Variants in KHDRBS2 observed in about 807,000 individuals in gnomAD.
KHDRBS2 encodes the protein KH RNA binding domain containing, signal transduction associated 2, also known as KH domain-containing, RNA-binding, signal transduction-associated protein 2.
KHDRBS2 carries 26 observed loss-of-function variants against 44.3 expected under a neutral mutation model. The ratio of observed to expected loss-of-function variants is 0.59; its 90% CI spans 0.43 to 0.81. The LOEUF (loss-of-function observed/expected upper bound fraction) is 0.81. KHDRBS2 is among the 40% of genes least tolerant of loss of function. KHDRBS2 has a pLI of 0.00. For synonymous variants in KHDRBS2, 194 were observed against 151.1 expected (o/e 1.28, Z -2.08); for missense variants, 476 against 433.1 (o/e 1.10, Z -0.88).
rs368546940 is a variant in KHDRBS2 at position 61,832,757 on chromosome 6, C to T, written c.810+61878G>A. On this transcript the variant is annotated intron_variant, in intron 6 of 8. Coordinates refer to ENST00000281156, the MANE Select transcript of KHDRBS2 (RefSeq NM_152688.4). Reference sequence around the variant, plus strand: ...TTGAAGCCCAGTCATGATCTGGCTGCTGATGTCCTGTGGTGTATCTGGAAC... The same window carrying T: ...TTGAAGCCCAGTCATGATCTGGCTGTTGATGTCCTGTGGTGTATCTGGAAC... Among the ~76,000 whole-genome samples the T allele has an allele frequency of 9.2e-5, 14 of 152,272 alleles. No homozygotes were observed. The East Asian group carries it at 1.9e-3, about 21-fold the overall frequency.
chr6:61,671,484 G>A, the KHDRBS2 span, among the ~76,000 whole-genome samples: 1 of 151,648 alleles, frequency 6.6e-6, no homozygotes, highest in Non-Finnish European at 1.5e-5. Context: ...AAGTGTAAGA[G>A]ACTGAGAAAA....
chr6:61,799,604 C>A (rs555963574), intron 6 of KHDRBS2, among the ~76,000 whole-genome samples: 2 of 151,910 alleles, frequency 1.3e-5, no homozygotes. Flanking sequence ...GCAAATAAAT[C>A]CTTCCCACAT....
In KHDRBS2 at chr6:62,177,287, A is replaced by G; in HGVS notation, c.117T>C (p.Asp39=). The G allele has an allele frequency of 1.3e-6, 2 of 1,599,084 alleles. No individual in the cohort carries two copies. Among genetic ancestry groups the G allele is most frequent in the Non-Finnish European group, 1.7e-6 (2 of 1,170,152 alleles). The change falls in exon 2 of 9, where the codon GAT becomes GAC. Residue 39 remains aspartate, a synonymous_variant. Coordinates refer to ENST00000281156, the MANE Select transcript of KHDRBS2 (RefSeq NM_152688.4). ...TCTTTTCTTCGTCTTCCTTTTTTCC[A>G]TCAGAACCTTGAAACTTTTCAATTT... ...AEEIEKFQGS[D]GKKEDEEKKY... is the part of the protein sequence containing the mutation.
chr6:62,100,284 T>C (rs1801561784), intron 2 of KHDRBS2, among the ~76,000 whole-genome samples: 1 of 152,232 alleles, frequency 6.6e-6, no homozygotes, highest in South Asian at 2.1e-4. Flanking sequence ...AATTGCTTTT[T>C]ATAAATTAGC....
chr6:62,079,017 T>C (rs1352201652), intron 2 of KHDRBS2, among the ~76,000 whole-genome samples: 2 of 151,936 alleles, frequency 1.3e-5, no homozygotes, highest in African/African-American at 2.4e-5. Flanking sequence ...TGCAAAGGTA[T>C]GATAATCAAG....
intron 2 of KHDRBS2, among the ~76,000 whole-genome samples, chr6:62,116,043 T>G (rs1457113284): frequency 3.9e-5 from 6 of 152,004 alleles, no homozygotes; most frequent in Non-Finnish European, 8.8e-5. Context: ...ATTCATGACT[T>G]CAGATATTTC....
chr6:62,015,560 T>C (rs1289430518), intron 3 of KHDRBS2, among the ~76,000 whole-genome samples: 1 of 152,104 alleles, frequency 6.6e-6, no homozygotes, highest in Non-Finnish European at 1.5e-5. Context: ...AGTCCCCTGA[T>C]CCTTCTTTTA....
chr6:61,808,329 A>G (rs1787507540), intron 6 of KHDRBS2, among the ~76,000 whole-genome samples: 1 of 152,096 alleles, frequency 6.6e-6, no homozygotes, highest in Non-Finnish European at 1.5e-5. Flanking sequence ...ATTAATATGA[A>G]GTTGGAGTAT....
Position 62,257,882 on chromosome 6 carries a change from A to AT in KHDRBS2, c.91+27975dup, listed in dbSNP as rs555392161. Among the ~76,000 whole-genome samples the AT allele has an allele frequency of 2.5e-3, 385 of 151,830 alleles. 3 individuals are homozygous for AT. Among genetic ancestry groups the AT allele is most frequent in the African/African-American group, 8.5e-3 (354 of 41,426 alleles). On this transcript the variant is annotated intron_variant, in intron 1 of 8. Transcript: ENST00000281156. ...TCTGGTCTTTACCCAATTACAGAAA[A>AT]TTTTTTCTCCTTTTGCTCTCTACGA...
chr6:61,672,276 T>C, the KHDRBS2 span, among the ~76,000 whole-genome samples: 1 of 151,918 alleles, frequency 6.6e-6, no homozygotes, highest in Non-Finnish European at 1.5e-5. Context: ...TCCAAGTCTT[T>C]GCTAATGTGA....
At chr6:61,639,622 A>T in the KHDRBS2 span, among the ~76,000 whole-genome samples, 1 of 151,968 alleles carries the variant, frequency 6.6e-6, no homozygotes, top group Non-Finnish European at 1.5e-5. Context: ...TCATGTTGTC[A>T]TTTTATTTGT....
At chr6:61,963,503 TC>T (rs1205180542) in intron 4 of KHDRBS2, among the ~76,000 whole-genome samples, 1 of 152,090 alleles carries the variant, frequency 6.6e-6, no homozygotes, top group African/African-American at 2.4e-5. Flanking sequence ...ACTGCAGCAC[TC>T]CTCAGAGTCT....
At chr6:61,865,550 G>A (rs1354913599) in intron 6 of KHDRBS2, among the ~76,000 whole-genome samples, 2 of 150,894 alleles carry the variant, frequency 1.3e-5, no homozygotes, top group Non-Finnish European at 3.0e-5. Flanking sequence ...TTCCCACTGG[G>A]TTCTTCCCAC....
chr6:61,760,412 C>T (rs376241677), intron 6 of KHDRBS2, among the ~76,000 whole-genome samples: 38 of 152,196 alleles, frequency 2.5e-4, no homozygotes, highest in African/African-American at 6.3e-4. Flanking sequence ...GCAGGTGGAT[C>T]GCTTGAGCAC....
At chr6:62,091,316 G>C (rs1408207704) in intron 2 of KHDRBS2, among the ~76,000 whole-genome samples, 2 of 152,012 alleles carry the variant, frequency 1.3e-5, no homozygotes, top group African/African-American at 4.8e-5. Context: ...AATACATACA[G>C]ATTTCTAATT....
chr6:61,945,134 T>TATATATATATATATATATATATACACACA (rs1813067412), intron 4 of KHDRBS2, among the ~76,000 whole-genome samples: 1 of 100,354 alleles, frequency 1.0e-5, no homozygotes, highest in African/African-American at 3.7e-5. Flanking sequence ...TATATATATA[T>TATATATATATATATATATATATACACACA]ATATATATAT....
chr6:61,690,314 C>A (rs1360659839), intron 8 of KHDRBS2, among the ~76,000 whole-genome samples: 1 of 151,878 alleles, frequency 6.6e-6, no homozygotes, highest in Non-Finnish European at 1.5e-5. Flanking sequence ...AAATATAAAT[C>A]TATATCCTAT....
At chr6:61,612,110 C>A in the KHDRBS2 span, among the ~76,000 whole-genome samples, 1 of 147,514 alleles carries the variant, frequency 6.8e-6, no homozygotes, top group African/African-American at 2.5e-5. Context: ...TAGAAAAAAT[C>A]TTTAAAATAT....
intron 2 of KHDRBS2, among the ~76,000 whole-genome samples, chr6:62,086,826 A>G (rs956186778): frequency 6.6e-6 from 1 of 152,128 alleles, no homozygotes; most frequent in African/African-American, 2.4e-5. Flanking sequence ...TGTAAGTTCT[A>G]AAGAGCAATG....
Sources: allele counts gnomAD v4.1 joint callset (sites outside exome capture counted in the v4.1 genomes callset), GRCh38; gene constraint gnomAD v4.1.1; transcripts MANE v1.5; gene names NCBI Gene and HGNC (gene_info 2026-07-23, HGNC 2026-07-21).